Variants in ECPAS observed in about 807,000 individuals in gnomAD.
ECPAS encodes proteasome adapter and scaffold protein ECM29.
Under a neutral mutation model 255.1 loss-of-function variants are expected in ECPAS, and 70 were observed. The observed-to-expected ratio is 0.27, with a 90% CI of 0.23 to 0.33. ECPAS has a LOEUF of 0.33. Among genes scored for constraint, ECPAS ranks in the 10% least tolerant of loss-of-function variants. The pLI, the probability that ECPAS is intolerant of heterozygous loss-of-function variation, is 1.00. For synonymous variants in ECPAS, 784 were observed against 775.0 expected, an observed-to-expected ratio of 1.01 and a Z score of -0.19; for missense variants, 1,817 against 2,206.4, an observed-to-expected ratio of 0.82 and a Z score of 3.54.
Position 111,406,965 on chromosome 9 carries a change from G to A in ECPAS, c.2652+1606C>T, listed in dbSNP as rs74761683. Among the ~76,000 whole-genome samples, 1,372 of 149,294 alleles carry A rather than the reference G, an allele frequency of 9.2e-3. 45 individuals carry two copies. Among genetic ancestry groups the A allele is most frequent in the South Asian group, 0.04 (190 of 4,762 alleles). On this transcript the variant is annotated intron_variant, in intron 24 of 49. Coordinates refer to ENST00000684092, the MANE Select transcript of ECPAS (RefSeq NM_001364929.1). ...TCCTATTCGACTGTGAAGATATTCTGCTTCCGTTTCATGCTTTTCATTATT... is the reference window on the plus strand; with the variant it reads ...TCCTATTCGACTGTGAAGATATTCTACTTCCGTTTCATGCTTTTCATTATT...
In ECPAS at chr9:111,477,402, G is replaced by A. The variant is rs573730917; in HGVS notation, c.-82-4402C>T. Among the ~76,000 whole-genome samples the A allele has an allele frequency of 3.3e-5, 5 of 152,124 alleles. No homozygotes were observed. In the South Asian group the frequency reaches 6.2e-4, roughly 19 times the overall value. ...GCTGGGATTACAGGTGTGAGGCACC[G>A]CTCCAGCCCTGATTGCCACATCTTA... On this transcript the variant is annotated intron_variant, in intron 1 of 49. Coordinates refer to ENST00000684092, the MANE Select transcript of ECPAS (RefSeq NM_001364929.1).
intron 15 of ECPAS, among the ~76,000 whole-genome samples, chr9:111,421,138 T>C (rs1006798329): frequency 2.6e-5 from 4 of 152,192 alleles, no homozygotes; most frequent in African/African-American, 9.6e-5. Context: ...CTAAGAGCAC[T>C]TGACAATAGG....
At position 111,420,099 on chromosome 9, in the gene ECPAS, CT is replaced by C; in HGVS notation, c.1476del (p.Val493TrpfsTer3). 1 of 1,612,424 alleles carries C rather than the reference CT, an allele frequency of 6.2e-7. No homozygotes were observed. Among genetic ancestry groups the C allele is most frequent in the Non-Finnish European group, 8.5e-7 (1 of 1,178,990 alleles). On this transcript the variant is annotated frameshift_variant, in exon 16 of 50. Coordinates refer to ENST00000684092, the MANE Select transcript of ECPAS (RefSeq NM_001364929.1). LOFTEE classifies it high-confidence loss of function. The stretch of plus-strand genomic sequence containing the variant: ...ACCGTACTGGCAAATTTCACAGCCA[CT>C]TGTCGAACTTGAACTTCAGGCTATT... ...YLIKPEVQVR[Q>X]VAVKFASTVF...
intron 18 of ECPAS, among the ~76,000 whole-genome samples, chr9:111,415,839 C>T (rs989467174): frequency 6.6e-6 from 1 of 152,046 alleles, no homozygotes; most frequent in African/African-American, 2.4e-5. Context: ...ATTCTTAATC[C>T]GAACAAGATC....
chr9:111,389,911 G>T, intron 30 of ECPAS, 73 bp downstream of exon 30: 1 of 1,183,446 alleles, frequency 8.4e-7, no homozygotes, highest in Non-Finnish European at 1.2e-6. Flanking sequence ...CATACCATTT[G>T]CCACTGTCTG....
chr9:111,430,202 A>G (rs2098227795), intron 9 of ECPAS, among the ~76,000 whole-genome samples: 1 of 152,238 alleles, frequency 6.6e-6, no homozygotes, highest in African/African-American at 2.4e-5. Flanking sequence ...AACCATGCTC[A>G]TTCGGTTATG....
Position 111,389,730 on chromosome 9 carries a change from A to C in ECPAS, c.3280-7T>G. The C allele has an allele frequency of 6.2e-7, 1 of 1,604,512 alleles. No homozygotes were observed. The highest frequency in any genetic ancestry group is 8.5e-7 in the Non-Finnish European group (1 of 1,175,664). On this transcript the variant is annotated splice_polypyrimidine_tract_variant and splice_region_variant and intron_variant, in intron 30 of 49. Coordinates refer to ENST00000684092, the MANE Select transcript of ECPAS (RefSeq NM_001364929.1). ...TAAAACCAAAAGCAGCACCCTAAAAATAATAGGCTGAAGTGACTCAGATGC... is the reference window on the plus strand; with the variant it reads ...TAAAACCAAAAGCAGCACCCTAAAACTAATAGGCTGAAGTGACTCAGATGC...
chr9:111,462,836 A>G lies in ECPAS; in HGVS notation c.22+10061T>C, dbSNP rs1243777681. On this transcript the variant is annotated intron_variant, in intron 2 of 49. Transcript: ENST00000684092. ...CGGCTCACTGCAACTTCTGCCTCCC[A>G]GGTTCAAGCGATTCTCCTGCCTCAG... Among the ~76,000 whole-genome samples, 5 of 146,666 alleles carry G rather than the reference A, an allele frequency of 3.4e-5. No individual in the cohort carries two copies. The Admixed American group carries it at 3.6e-4, about 11-fold the overall frequency.
At chr9:111,408,714 A>C in intron 23 of ECPAS, 42 bp from the exon 24 acceptor site, 3 of 1,261,596 alleles carry the variant, frequency 2.4e-6, no homozygotes, top group Non-Finnish European at 3.3e-6. Context: ...CAGAGTATAT[A>C]ATAGCTTTAC....
intron 2 of ECPAS, among the ~76,000 whole-genome samples, chr9:111,460,731 G>A (rs972076775): frequency 3.3e-5 from 5 of 152,062 alleles, no homozygotes; most frequent in African/African-American, 4.8e-5. Context: ...TTAATCTAGG[G>A]AAAAATGTGT....
intron 24 of ECPAS, among the ~76,000 whole-genome samples, chr9:111,406,048 T>C (rs1473042283): frequency 6.7e-6 from 1 of 149,882 alleles, no homozygotes; most frequent in African/African-American, 2.5e-5. Context: ...AAAATCTGTA[T>C]TCTGAAGAGG....
At chr9:111,380,356 TTTTTTG>T (rs1303901206) in intron 35 of ECPAS, among the ~76,000 whole-genome samples, 1 of 152,096 alleles carries the variant, frequency 6.6e-6, no homozygotes, top group Admixed American at 6.5e-5. Flanking sequence ...TGTTTGTTTG[TTTTTTG>T]TTTTTGTTTT....
chr9:111,479,996 A>G (rs1467069379), intron 1 of ECPAS, among the ~76,000 whole-genome samples: 1 of 152,112 alleles, frequency 6.6e-6, no homozygotes, highest in South Asian at 2.1e-4. Flanking sequence ...AAAAAAAAAA[A>G]AACTTTAACA....
At chr9:111,392,918 A>G in intron 27 of ECPAS, 36 bp from the exon 28 acceptor site, 1 of 1,504,360 alleles carries the variant, frequency 6.6e-7, no homozygotes, top group Non-Finnish European at 9.1e-7. Context: ...ATCACTTTAA[A>G]AAAAATTTTG....
chr9:111,401,308 G>A (rs924855297), intron 24 of ECPAS, among the ~76,000 whole-genome samples: 1 of 152,184 alleles, frequency 6.6e-6, no homozygotes, highest in Non-Finnish European at 1.5e-5. Flanking sequence ...GCCTGCGGGG[G>A]TGCCGTCACA....
intron 1 of ECPAS, among the ~76,000 whole-genome samples, chr9:111,481,996 A>T (rs2098306239): frequency 1.3e-5 from 2 of 152,242 alleles, no homozygotes; most frequent in Admixed American, 1.3e-4. Flanking sequence ...GTTTTACAAG[A>T]CGAAGAGTTC....
intron 22 of ECPAS, 125 bp from the exon 23 acceptor site, chr9:111,410,338 A>G: frequency 1.4e-6 from 1 of 714,966 alleles, no homozygotes; most frequent in Non-Finnish European, 2.2e-6. Context: ...GATATCTTCT[A>G]GTTGACAATT....
At chr9:111,380,826 C>T (rs181498625) in intron 35 of ECPAS, among the ~76,000 whole-genome samples, 27 of 152,326 alleles carry the variant, frequency 1.8e-4, no homozygotes, top group African/African-American at 6.3e-4. Context: ...ACCTCATGAG[C>T]CAACCTCTGC....
At chr9:111,388,717 G>A (rs1406296070) in intron 31 of ECPAS, among the ~76,000 whole-genome samples, 1 of 152,172 alleles carries the variant, frequency 6.6e-6, no homozygotes, top group Non-Finnish European at 1.5e-5. Flanking sequence ...ATTAGGGAAA[G>A]AAGAGAGTAG....
Sources: allele counts gnomAD v4.1 joint callset (sites outside exome capture counted in the v4.1 genomes callset), GRCh38; gene constraint gnomAD v4.1.1; transcripts MANE v1.5; gene names NCBI Gene and HGNC (gene_info 2026-07-23, HGNC 2026-07-21).